Variants in AFF2 observed in about 807,000 individuals in gnomAD.
AFF2 encodes ALF transcription elongation factor 2.
A neutral mutation model predicts 76.9 loss-of-function variants in AFF2; 14 were observed. The ratio of observed to expected loss-of-function variants is 0.18; its 90% confidence interval spans 0.12 to 0.28. The LOEUF (loss-of-function observed/expected upper bound fraction) is 0.28. Among genes scored for constraint, AFF2 ranks in the 10% least tolerant of loss-of-function variants. The pLI is 1.00. For missense variants in AFF2, 868 were observed against 1,001.1 expected (o/e 0.87, Z 1.79); for synonymous variants, 398 against 366.7 (o/e 1.09, Z -0.98).
intron 9 of AFF2, among the ~76,000 whole-genome samples, chrX:148,916,432 G>A (rs1323516350): frequency 1.8e-5 from 2 of 108,469 alleles, no homozygotes; most frequent in African/African-American, 3.4e-5. Context: ...GGATGGTCTC[G>A]ATCTCCTGAC....
chrX:148,986,101 T>A lies in AFF2; in HGVS notation c.3624-1266T>A, dbSNP rs904030155. On this transcript the variant is annotated intron_variant, in intron 19 of 20. Transcript: ENST00000370460. ...TAGAGTTGCCAACAATAGCAACTGG[T>A]AAGGGGGTGGGGGGTGGGGCAGAAG... Among the ~76,000 whole-genome samples the A allele has an allele frequency of 4.3e-5, 3 of 69,788 alleles. No homozygotes were observed. The East Asian group carries it at 1.8e-3, about 41-fold the overall frequency. The allele number at this position is 69,788 out of a possible 115,157, so 60.6% of individuals were successfully genotyped here.
rs201228384 is a variant in AFF2 at position 148,761,458 on chromosome X, G to GTT, written c.1042-48411_1042-48410dup. Among the ~76,000 whole-genome samples, 10 of 83,722 alleles carry GTT rather than the reference G, an allele frequency of 1.2e-4. 1 individual carries two copies. Among genetic ancestry groups the GTT allele is most frequent in the African/African-American group, 4.2e-4 (7 of 16,479 alleles). The allele number at this position is 83,722 out of a possible 115,157, so 72.7% of individuals were successfully genotyped here. ...TGGCATATCACTCAACTGTCCTCCA[G>GTT]TTTTTTTTGTTTTTTTTTTTTTTTC... On this transcript the variant is annotated intron_variant, in intron 3 of 20. Transcript: ENST00000370460.
intron 9 of AFF2, among the ~76,000 whole-genome samples, chrX:148,921,202 C>T (rs920741426): frequency 1.8e-5 from 2 of 112,125 alleles, no homozygotes; most frequent in South Asian, 7.4e-4. Context: ...TAAACTTTCC[C>T]CATGGTAGAC....
chrX:148,607,543 C>G (rs1183320036), intron 1 of AFF2, among the ~76,000 whole-genome samples: 3 of 111,557 alleles, frequency 2.7e-5, no homozygotes, highest in Non-Finnish European at 5.7e-5. Context: ...CCATGTGGAA[C>G]TGTGAGTCCA....
At chrX:148,581,859 TTAATC>T (rs781876701) in intron 1 of AFF2, among the ~76,000 whole-genome samples, 63 of 112,044 alleles carry the variant, frequency 5.6e-4, no homozygotes, top group South Asian at 1.5e-3. Context: ...TCTAAATACT[TTAATC>T]TAAAGGCTTT....
At chrX:148,841,016 A>G (rs1464175658) in intron 5 of AFF2, among the ~76,000 whole-genome samples, 1 of 112,627 alleles carries the variant, frequency 8.9e-6, no homozygotes, top group African/African-American at 3.2e-5. Context: ...GAATAACACA[A>G]TCTTCCAGTT....
chrX:148,615,721 G>A (rs1557250234), intron 1 of AFF2, among the ~76,000 whole-genome samples: 1 of 111,410 alleles, frequency 9.0e-6, no homozygotes, highest in Non-Finnish European at 1.9e-5. Flanking sequence ...GTCCAATTAA[G>A]ACATTCTTGT....
At chrX:148,580,538 C>G (rs1210215714) in intron 1 of AFF2, among the ~76,000 whole-genome samples, 1 of 110,970 alleles carries the variant, frequency 9.0e-6, no homozygotes, top group African/African-American at 3.3e-5. Flanking sequence ...TGCAAGCACC[C>G]TTAGAGTGAT....
intron 7 of AFF2, among the ~76,000 whole-genome samples, chrX:148,847,997 C>A (rs1180052277): frequency 1.8e-5 from 2 of 111,425 alleles, no homozygotes; most frequent in African/African-American, 3.3e-5. Flanking sequence ...TACAGAAGAG[C>A]CCTCTGAGTC....
chrX:148,824,346 T>G (rs1557272820), intron 4 of AFF2, among the ~76,000 whole-genome samples: 2 of 111,582 alleles, frequency 1.8e-5, no homozygotes, highest in African/African-American at 6.5e-5. Flanking sequence ...GGTAAATAAA[T>G]TCTGAAGATG....
chrX:148,761,344 G>A (rs906773291), intron 3 of AFF2, among the ~76,000 whole-genome samples: 1 of 110,771 alleles, frequency 9.0e-6, no homozygotes, highest in African/African-American at 3.3e-5. Flanking sequence ...ATAGTTGGGG[G>A]GAAAAGTCAC....
At chrX:148,901,018 C>T (rs1224799459) in intron 8 of AFF2, among the ~76,000 whole-genome samples, 1 of 112,321 alleles carries the variant, frequency 8.9e-6, no homozygotes, top group Non-Finnish European at 1.9e-5. Flanking sequence ...AGGTGCACTG[C>T]ATTTGCATAT....
chrX:148,620,052 A>G (rs2053850688), intron 1 of AFF2, among the ~76,000 whole-genome samples: 1 of 111,827 alleles, frequency 8.9e-6, no homozygotes, highest in Non-Finnish European at 1.9e-5. Flanking sequence ...TAGAATGTCG[A>G]TAACATGAGC....
intron 1 of AFF2, among the ~76,000 whole-genome samples, chrX:148,540,229 TG>T (rs1156459736): frequency 4.5e-5 from 5 of 111,302 alleles, no homozygotes; most frequent in Non-Finnish European, 9.4e-5. Context: ...CAGGTCCAGC[TG>T]GTTCATATTT....
rs1569553728 is a variant in AFF2, at chrX:148,704,342, ATATATATATTTATATATATAT to A, written c.1041+41575_1041+41595del. Reference sequence around the variant, plus strand: ...TATATATATTTATATATATGTGTGTATATATATATTTATATATATATGTGTGTATATATATATTTATATATA... The same window carrying A: ...TATATATATTTATATATATGTGTGTAGTGTGTATATATATATTTATATATA... On this transcript the variant is annotated intron_variant, in intron 3 of 20. Transcript: ENST00000370460. 3.2e-4 allele frequency among the ~76,000 whole-genome samples: 15 copies of A among 46,401 alleles called. 1 individual carries two copies. The highest frequency in any genetic ancestry group is 9.6e-4 in the Admixed American group (3 of 3,116). The allele number at this position is 46,401 out of a possible 115,157, so 40.3% of individuals were successfully genotyped here.
At chrX:148,701,064 TGTGCACATGTGCCCAC>T (rs2054792454) in intron 3 of AFF2, among the ~76,000 whole-genome samples, 1 of 104,908 alleles carries the variant, frequency 9.5e-6, no homozygotes, top group African/African-American at 3.5e-5. Context: ...TTTGTGCCCA[TGTGCACATGTGCCCAC>T]ACCATTATGG....
chrX:148,748,185 T>A (rs782041686), intron 3 of AFF2, among the ~76,000 whole-genome samples: 3 of 112,384 alleles, frequency 2.7e-5, no homozygotes, highest in Non-Finnish European at 5.6e-5. Context: ...GCACTACCAC[T>A]GTAACGGATA....
chrX:148,796,617 C>G (rs1292706197), intron 3 of AFF2, among the ~76,000 whole-genome samples: 5 of 112,120 alleles, frequency 4.5e-5, no homozygotes, highest in Non-Finnish European at 9.4e-5. Flanking sequence ...TGCTCTGACA[C>G]TGCACCTTTG....
intron 7 of AFF2, among the ~76,000 whole-genome samples, chrX:148,845,778 T>C (rs2070659730): frequency 9.0e-6 from 1 of 111,236 alleles, no homozygotes; most frequent in South Asian, 3.8e-4. Context: ...GCCTGCGCCT[T>C]GGTGAGAAGC....
Sources: gnomAD v4.1 joint callset for allele counts (sites outside exome capture counted in the v4.1 genomes callset) on GRCh38, gnomAD v4.1.1 for gene constraint, MANE v1.5 for transcripts, NCBI Gene and HGNC (gene_info 2026-07-23, HGNC 2026-07-21) for gene names.